Variants in NDUFA9 observed in about 807,000 individuals in gnomAD.
NDUFA9 encodes the protein NADH dehydrogenase [ubiquinone] 1 alpha subcomplex subunit 9, mitochondrial.
Under a neutral mutation model 45.9 loss-of-function variants are expected in NDUFA9, and 23 were observed. That is an observed-to-expected ratio of 0.50 (90% CI 0.36 to 0.71). The LOEUF is 0.71. NDUFA9 is among the 30% of genes least tolerant of loss of function. NDUFA9 has a pLI of 0.00. For missense variants in NDUFA9, 466 were observed against 488.2 expected, an observed-to-expected ratio of 0.95 and a Z score of 0.43; for synonymous variants, 176 against 170.5, an observed-to-expected ratio of 1.03 and a Z score of -0.25.
chr12:4,655,839 G>A (rs1321281976), intron 3 of NDUFA9: 13 of 152,280 alleles, frequency 8.5e-5, no homozygotes, highest in Admixed American at 4.6e-4. Flanking sequence ...CAGTGATTGG[G>A]GAGCTGTCCT....
intron 1 of NDUFA9, among the ~76,000 whole-genome samples, chr12:4,649,520 G>C (rs1945742309): frequency 6.6e-6 from 1 of 152,028 alleles, no homozygotes; most frequent in African/African-American, 2.4e-5. Context: ...GGAGAAATGT[G>C]TAAGGGAGGG....
rs778270687 is a variant in NDUFA9, at chr12:4,654,862, T to C, written c.258T>C (p.Cys86=). 35 of 1,613,918 alleles carry C rather than the reference T, an allele frequency of 2.2e-5. No homozygotes were observed. In the Admixed American group the frequency reaches 3.2e-4, roughly 15 times the overall value. ...MGSQVIIPYR[C]DKYDIMHLRP... The stretch of plus-strand genomic sequence containing the variant: ...CACAGGTAATCATACCCTATCGGTG[T>C]GATAAATATGACATCATGCACCTTC... The change falls in exon 3 of 11, where the codon TGT becomes TGC. Residue 86 remains cysteine (C), a synonymous_variant. Coordinates refer to ENST00000266544, the MANE Select transcript of NDUFA9 (RefSeq NM_005002.5).
At chr12:4,661,616 A>G (rs1465484086) in intron 5 of NDUFA9, among the ~76,000 whole-genome samples, 1 of 151,556 alleles carries the variant, frequency 6.6e-6, no homozygotes, top group Non-Finnish European at 1.5e-5. Context: ...CAAGAGAGTG[A>G]TGAGAAGATG....
At chr12:4,676,117 A>G (rs1464224338) in intron 8 of NDUFA9, among the ~76,000 whole-genome samples, 3 of 152,180 alleles carry the variant, frequency 2.0e-5, no homozygotes, top group Non-Finnish European at 4.4e-5. Flanking sequence ...CCCTCAATAA[A>G]CTAGGTGTTG....
At position 4,672,454 on chromosome 12, in the gene NDUFA9, C is replaced by A. The variant is rs539088205; in HGVS notation, c.800+2637C>A. The stretch of plus-strand genomic sequence containing the variant: ...GATCTGGCTCAGCGGGTCCCACCCC[C>A]ACAGAGCCCAGCAAGCTAAGATCTA... On this transcript the variant is annotated intron_variant, in intron 8 of 10. Transcript: ENST00000266544. Among the ~76,000 whole-genome samples, 8 of 152,334 alleles carry A rather than the reference C, an allele frequency of 5.3e-5. No individual in the cohort carries two copies. The South Asian group carries it at 1.2e-3, about 24-fold the overall frequency.
At chr12:4,667,512 C>CTT (rs11335422) in intron 6 of NDUFA9, 280 of 157,548 alleles carry the variant, frequency 1.8e-3, no homozygotes, top group South Asian at 7.4e-3. Flanking sequence ...AATTTCTACT[C>CTT]TTTTTTTTTT....
In NDUFA9 at chr12:4,691,185, G is replaced by A. The variant is rs1946017003; in HGVS notation, c.*4077G>A. 1 of 152,182 alleles carries A rather than the reference G, an allele frequency of 6.6e-6. No homozygotes were observed. Among genetic ancestry groups the A allele is most frequent in the Admixed American group, 6.5e-5 (1 of 15,284 alleles). 9.4% of individuals were successfully genotyped at this position (152,182 alleles called of 1,614,324 possible). A position where few individuals can be genotyped will look rare whatever the true frequency, so the allele number is the denominator to read the frequency against. On this transcript the variant is annotated 3_prime_UTR_variant, in exon 11 of 11. Transcript: ENST00000266544. ...ATGGGGGTGATAGTAATAACTACAT[G>A]ATGGGATAGTGATGAGGAATTAAAT...
At chr12:4,682,767 G>T (rs1357577286) in intron 9 of NDUFA9, among the ~76,000 whole-genome samples, 1 of 152,174 alleles carries the variant, frequency 6.6e-6, no homozygotes, top group Non-Finnish European at 1.5e-5. Flanking sequence ...CTCTTTGTGG[G>T]TTAAATATCT....
chr12:4,649,203 T>C, intron 1 of NDUFA9, 28 bp downstream of exon 1: 1 of 1,593,156 alleles, frequency 6.3e-7, no homozygotes, highest in Non-Finnish European at 8.5e-7. Flanking sequence ...CGGCGGCCCC[T>C]GGTCGGGATT....
chr12:4,658,956 T>G, intron 4 of NDUFA9, 80 bp from the exon 5 acceptor site: 1 of 1,400,038 alleles, frequency 7.1e-7, no homozygotes, highest in Non-Finnish European at 9.9e-7. Flanking sequence ...AGTACTGTTA[T>G]GAAAACCATC....
chr12:4,660,588 TTAG>T (rs1409053208), intron 5 of NDUFA9, among the ~76,000 whole-genome samples: 1 of 151,876 alleles, frequency 6.6e-6, no homozygotes, highest in Non-Finnish European at 1.5e-5. Context: ...ATACCAATGG[TTAG>T]TAATCTGGTA....
rs776505803 is a variant in NDUFA9 at position 4,657,846 on chromosome 12, C to T, written c.410+7C>T. ...GACGAGACTGGGAAACCAAGTAAGTCTTTGACTCTTGTTTCTTCTTTGCTT... is the reference window on the plus strand; with the variant it reads ...GACGAGACTGGGAAACCAAGTAAGTTTTTGACTCTTGTTTCTTCTTTGCTT... On this transcript the variant is annotated splice_region_variant and intron_variant, in intron 4 of 10. Coordinates refer to ENST00000266544, the MANE Select transcript of NDUFA9 (RefSeq NM_005002.5). 6.2e-7 allele frequency: 1 copy of T among 1,600,724 alleles called. No homozygotes were observed. Among genetic ancestry groups the T allele is most frequent in the Non-Finnish European group, 8.6e-7 (1 of 1,167,926 alleles).
chr12:4,682,343 C>T, intron 9 of NDUFA9, 43 bp downstream of exon 9: 1 of 1,409,792 alleles, frequency 7.1e-7, no homozygotes, highest in South Asian at 1.2e-5. Context: ...AAAAAGCCAG[C>T]TCCACACACT....
rs143907732 is a variant in NDUFA9 at position 4,668,463 on chromosome 12, A to G, written c.662A>G (p.His221Arg). ...DRFLNSFASM[H>R]RFGPIPLGSL... ...TCATTCTTTCTTCCGCTAGGTATGC[A>G]TCGGTTTGGTCCTATACCCCTTGGT... Residue 221 changes from histidine to arginine, a missense_variant, in exon 7 of 11, where the codon CAT becomes CGT. Physicochemically the swap from His to Arg is conservative, Grantham distance 29. Transcript: ENST00000266544. 9 of 1,613,196 alleles carry G rather than the reference A, an allele frequency of 5.6e-6. No homozygotes were observed. Among genetic ancestry groups the G allele is most frequent in the African/African-American group, 1.3e-5 (1 of 74,898 alleles).
intron 5 of NDUFA9, among the ~76,000 whole-genome samples, chr12:4,660,569 G>A (rs1272036685): frequency 6.6e-6 from 1 of 152,176 alleles, no homozygotes; most frequent in East Asian, 1.9e-4. Flanking sequence ...TTCAGATTGG[G>A]CCCAGAACAT....
chr12:4,687,263 A>G lies in NDUFA9; in HGVS notation c.*155A>G, dbSNP rs182957670. On this transcript the variant is annotated 3_prime_UTR_variant, in exon 11 of 11. Coordinates refer to ENST00000266544, the MANE Select transcript of NDUFA9 (RefSeq NM_005002.5). The stretch of plus-strand genomic sequence containing the variant: ...GCAGTATTTTCTTCCTTGATTTACA[A>G]AATGAGAAATGTAGTCACTTAGAAC... 1.1e-3 allele frequency: 720 copies of G among 663,172 alleles called. 5 individuals are homozygous for G. The highest frequency in any genetic ancestry group is 6.9e-3 in the South Asian group (247 of 35,858). The allele number at this position is 663,172 out of a possible 1,614,324, so 41.1% of individuals were successfully genotyped here.
intron 10 of NDUFA9, among the ~76,000 whole-genome samples, chr12:4,685,753 C>A (rs1438796687): frequency 6.6e-6 from 1 of 152,110 alleles, no homozygotes; most frequent in Non-Finnish European, 1.5e-5. Flanking sequence ...CATTTCTCCC[C>A]TAAAATTGCT....
intron 8 of NDUFA9, among the ~76,000 whole-genome samples, chr12:4,672,446 C>G (rs981564098): frequency 1.3e-5 from 2 of 152,176 alleles, no homozygotes; most frequent in African/African-American, 4.8e-5. Flanking sequence ...CTCAGCGGGT[C>G]CCACCCCCAC....
Position 4,657,651 on chromosome 12 carries a change from A to G in NDUFA9, c.319-97A>G, listed in dbSNP as rs561016497. On this transcript the variant is annotated intron_variant, in intron 3 of 10. Coordinates refer to ENST00000266544, the MANE Select transcript of NDUFA9 (RefSeq NM_005002.5). ...TGGCACTATATTATGACTACAGCAG[A>G]TGGCCCATTTTGAAACTTGCATTGA... 47 of 834,158 alleles carry G rather than the reference A, an allele frequency of 5.6e-5. 1 individual carries two copies. In the African/African-American group the frequency reaches 6.8e-4, roughly 12 times the overall value. The allele number at this position is 834,158 out of a possible 1,614,324, so 51.7% of individuals were successfully genotyped here.
Sources: allele counts gnomAD v4.1 joint callset (sites outside exome capture counted in the v4.1 genomes callset), GRCh38; gene constraint gnomAD v4.1.1; transcripts MANE v1.5; gene names NCBI Gene and HGNC (gene_info 2026-07-23, HGNC 2026-07-21).